CRP: variants seen among roughly 807,000 people sequenced by gnomAD.
CRP encodes the protein C-reactive protein, pentraxin-related.
CRP carries 6 observed loss-of-function variants against 3.0 expected under a neutral mutation model. The observed-to-expected ratio is 2.02, with a 90% CI of 1.11 to 3.99. The LOEUF is 3.99. CRP is among the 30% of genes most tolerant of loss of function. The pLI is 0.00. For missense variants in CRP, 297 were observed against 271.0 expected (o/e 1.10, Z -0.67); for synonymous variants, 130 against 111.0 (o/e 1.17, Z -1.08).
At position 159,712,466 on chromosome 1, in the gene CRP, AAG is replaced by A. The variant is rs1660694837; in HGVS notation, c.*1057_*1058del. 6.5e-6 allele frequency: 1 copy of A among 152,986 alleles called. No homozygotes were observed. The highest frequency in any genetic ancestry group is 2.4e-5 in the African/African-American group (1 of 41,594). The allele number at this position is 152,986 out of a possible 1,614,324, so 9.5% of individuals were successfully genotyped here. A position where few individuals can be genotyped will look rare whatever the true frequency, so the allele number is the denominator to read the frequency against. ...CACAGTCTCTCTCCATGTGGCAAAC[AAG>A]ATGGCTACTGGTGGTCCCAGGTTCA... is the stretch of plus-strand genomic sequence containing the variant. On this transcript the variant is annotated 3_prime_UTR_variant, in exon 2 of 2. Coordinates refer to ENST00000255030, the MANE Select transcript of CRP (RefSeq NM_000567.3).
Position 159,713,530 on chromosome 1 carries a change from G to T in CRP, c.670C>A (p.Pro224Thr). Residue 224 changes from proline (P) to threonine (T), a missense_variant, in exon 2 of 2, where the codon CCC becomes ACC. Coordinates refer to ENST00000255030, the MANE Select transcript of CRP (RefSeq NM_000567.3). ...GEVFTKPQLW[P>T] ...TCAGGACCCACAGCTGGGCCTCAGG[G>T]CCACAGCTGGGGTTTGGTGAACACT... 1 of 1,608,090 alleles carries T rather than the reference G, an allele frequency of 6.2e-7. No individual in the cohort carries two copies. The highest frequency in any genetic ancestry group is 8.5e-7 in the Non-Finnish European group (1 of 1,176,640).
In CRP at chr1:159,713,803, G is replaced by A. The variant is rs1660743723; in HGVS notation, c.397C>T (p.Pro133Ser). 1 of 1,613,996 alleles carries A rather than the reference G, an allele frequency of 6.2e-7. No individual in the cohort carries two copies. Among genetic ancestry groups the A allele is most frequent in the Non-Finnish European group, 8.5e-7 (1 of 1,180,010 alleles). The change falls in exon 2 of 2, where the codon CCC (proline) becomes TCC (serine). Residue 133 changes from proline (P) to serine (S), a missense_variant. Pro to Ser is a moderately conservative substitution (Grantham distance 74). Coordinates refer to ENST00000255030, the MANE Select transcript of CRP (RefSeq NM_000567.3). ...TTCTTCAGACTCTTCCTCACCCTGG[G>A]CTTCCCATCTACCCAGAACTCCACG... Reference protein sequence around the residue: ...GIVEFWVDGKPRVRKSLKKGY... With the variant: ...GIVEFWVDGKSRVRKSLKKGY...
chr1:159,713,385 T>C lies in CRP; in HGVS notation c.*140A>G. ...TGAGGAGGGTGGAGCAGGCCTGCAA[T>C]GCATATAGGGGAACAAAGGCCCAGA... On this transcript the variant is annotated 3_prime_UTR_variant, in exon 2 of 2. Coordinates refer to ENST00000255030, the MANE Select transcript of CRP (RefSeq NM_000567.3). 9.0e-7 allele frequency: 1 copy of C among 1,117,248 alleles called. No homozygotes were observed. The highest frequency in any genetic ancestry group is 1.2e-6 in the Non-Finnish European group (1 of 800,304). The allele number at this position is 1,117,248 out of a possible 1,614,324, so 69.2% of individuals were successfully genotyped here.
In CRP at chr1:159,713,694, G is replaced by C. The variant is rs776650720; in HGVS notation, c.506C>G (p.Ser169Cys). 7 of 1,614,062 alleles carry C rather than the reference G, an allele frequency of 4.3e-6. No homozygotes were observed. Among genetic ancestry groups the C allele is most frequent in the Non-Finnish European group, 5.1e-6 (6 of 1,180,052 alleles). The stretch of plus-strand genomic sequence containing the variant: ...CACATTTCCAATGTCTCCCACCAGG[G>C]ACTGGCTTCCTTCAAAGTTCCCACC... ...SFGGNFEGSQSLVGDIGNVNM... is the reference protein window; with the variant it reads ...SFGGNFEGSQCLVGDIGNVNM... Residue 169 changes from serine to cysteine, a missense_variant, in exon 2 of 2, where the codon TCC becomes TGC. Ser to Cys is a moderately radical substitution (Grantham distance 112). Transcript: ENST00000255030.
Position 159,713,396 on chromosome 1 carries a change from G to C in CRP, c.*129C>G, listed in dbSNP as rs1431488327. 8.6e-6 allele frequency: 11 copies of C among 1,276,838 alleles called. No individual in the cohort carries two copies. The highest frequency in any genetic ancestry group is 2.8e-4 in the Middle Eastern group (1 of 3,592). The allele number at this position is 1,276,838 out of a possible 1,614,324, so 79.1% of individuals were successfully genotyped here. ...GAGCAGGCCTGCAATGCATATAGGG[G>C]AACAAAGGCCCAGAGACAGAGACGT... On this transcript the variant is annotated 3_prime_UTR_variant, in exon 2 of 2. Coordinates refer to ENST00000255030, the MANE Select transcript of CRP (RefSeq NM_000567.3).
rs1413161549 is a variant in CRP, at chr1:159,713,612, C to T, written c.588G>A (p.Gly196=). The change falls in exon 2 of 2, where the codon GGG becomes GGA. Residue 196 remains glycine, a synonymous_variant. Transcript: ENST00000255030. The stretch of plus-strand genomic sequence containing the variant: ...AGTTCAGGACATTAGGACTGAAGGG[C>T]CCGCCAAGATAGATGGTGTTAATCT... ...PDEINTIYLG[G]PFSPNVLNWR... 1.2e-6 allele frequency: 2 copies of T among 1,614,154 alleles called. No homozygotes were observed. Among genetic ancestry groups the T allele is most frequent in the Middle Eastern group, 1.7e-4 (1 of 6,052 alleles).
chr1:159,713,680 T>C lies in CRP; in HGVS notation c.520A>G (p.Ile174Val). The C allele has an allele frequency of 6.2e-7, 1 of 1,614,190 alleles. No individual in the cohort carries two copies. The highest frequency in any genetic ancestry group is 8.5e-7 in the Non-Finnish European group (1 of 1,180,036). ...AAGTCCCACATGTTCACATTTCCAATGTCTCCCACCAGGGACTGGCTTCCT... is the reference window on the plus strand; with the variant it reads ...AAGTCCCACATGTTCACATTTCCAACGTCTCCCACCAGGGACTGGCTTCCT... Reference protein sequence around the residue: ...FEGSQSLVGDIGNVNMWDFVL... With the variant: ...FEGSQSLVGDVGNVNMWDFVL... The change falls in exon 2 of 2, where the codon ATT becomes GTT. Residue 174 changes from isoleucine to valine, a missense_variant. By Grantham distance (29) the Ile-to-Val change is conservative. Transcript: ENST00000255030.
intron 1 of CRP, 48 bp downstream of exon 1, chr1:159,714,377 C>A (rs370138755): frequency 6.4e-7 from 1 of 1,555,582 alleles, no homozygotes; most frequent in Non-Finnish European, 8.9e-7. Context: ...TAGACCCCAC[C>A]CCCATACCTC....
chr1:159,713,438 A>T lies in CRP; in HGVS notation c.*87T>A. On this transcript the variant is annotated 3_prime_UTR_variant, in exon 2 of 2. Transcript: ENST00000255030. ...CAGAGACGTGGGAACCATGCAGTGT[A>T]AAAAAGCGGGAGGTACCAGAGACAG... 6.6e-7 allele frequency: 1 copy of T among 1,506,932 alleles called. No homozygotes were observed. The highest frequency in any genetic ancestry group is 1.3e-5 in the South Asian group (1 of 74,396). The allele number at this position is 1,506,932 out of a possible 1,614,324, so 93.3% of individuals were successfully genotyped here.
chr1:159,713,634 A>T lies in CRP; in HGVS notation c.566T>A (p.Ile189Asn), dbSNP rs2101676953. The change falls in exon 2 of 2, where the codon ATT (isoleucine) becomes AAT (asparagine). Residue 189 changes from isoleucine to asparagine, a missense_variant. By Grantham distance (149) the Ile-to-Asn change is moderately radical. Transcript: ENST00000255030. Reference sequence around the variant, plus strand: ...GGGCCCGCCAAGATAGATGGTGTTAATCTCATCTGGTGACAGCACAAAGTC... The same window carrying T: ...GGGCCCGCCAAGATAGATGGTGTTATTCTCATCTGGTGACAGCACAAAGTC... The part of the protein sequence containing the change: ...MWDFVLSPDE[I>N]NTIYLGGPFS... The T allele has an allele frequency of 2.5e-6, 4 of 1,614,224 alleles. No individual in the cohort carries two copies. The East Asian group carries it at 8.9e-5, about 36-fold the overall frequency.
rs775254047 is a variant in CRP at position 159,714,443 on chromosome 1, G to A, written c.43C>T (p.His15Tyr). The change falls in exon 1 of 2, where the codon CAT (histidine) becomes TAT (tyrosine). Residue 15 changes from histidine (H) to tyrosine (Y), a missense_variant. Transcript: ENST00000255030. ...LCFLVLTSLS[H>Y]AFGQTDMSRK... The stretch of plus-strand genomic sequence containing the variant: ...CCCTTACCTGTCTGGCCAAAAGCAT[G>A]AGAGAGGCTGGTCAAGACCAAGAAA... 3.7e-6 allele frequency: 6 copies of A among 1,613,046 alleles called. No homozygotes were observed. Among genetic ancestry groups the A allele is most frequent in the Non-Finnish European group, 5.1e-6 (6 of 1,179,904 alleles).
Position 159,714,413 on chromosome 1 carries a change from G to A in CRP, c.61+12C>T, listed in dbSNP as rs1489247020. ...AGATCAAATCTCTCCCATAGCCTGG[G>A]GTGGCCCTTACCTGTCTGGCCAAAA... On this transcript the variant is annotated intron_variant, in intron 1 of 1. Transcript: ENST00000255030. 29 of 1,612,480 alleles carry A rather than the reference G, an allele frequency of 1.8e-5. No individual in the cohort carries two copies. The highest frequency in any genetic ancestry group is 2.5e-5 in the Non-Finnish European group (29 of 1,179,268).
Position 159,713,614 on chromosome 1 carries a change from C to T in CRP, c.586G>A (p.Gly196Arg), listed in dbSNP as rs537243926. 214 of 1,613,990 alleles carry T rather than the reference C, an allele frequency of 1.3e-4. 4 individuals carry two copies. In the South Asian group the frequency reaches 2.1e-3, roughly 16 times the overall value. Residue 196 changes from glycine to arginine, a missense_variant, in exon 2 of 2, where the codon GGG becomes AGG. Gly to Arg is a moderately radical substitution (Grantham distance 125). Transcript: ENST00000255030. ...PDEINTIYLG[G>R]PFSPNVLNWR... ...TTCAGGACATTAGGACTGAAGGGCC[C>T]GCCAAGATAGATGGTGTTAATCTCA...
At position 159,713,720 on chromosome 1, in the gene CRP, G is replaced by C. The variant is rs374947007; in HGVS notation, c.480C>G (p.Phe160Leu). The change falls in exon 2 of 2, where the codon TTC becomes TTG. Residue 160 changes from phenylalanine to leucine, a missense_variant. By Grantham distance (22) the Phe-to-Leu change is conservative. Transcript: ENST00000255030. ...ACTGGCTTCCTTCAAAGTTCCCACC[G>C]AAGGAATCCTGCTCCTGCCCCAAGA... ...SIILGQEQDSFGGNFEGSQSL... is the reference protein window; with the variant it reads ...SIILGQEQDSLGGNFEGSQSL... 3.1e-6 allele frequency: 5 copies of C among 1,614,002 alleles called. No homozygotes were observed. The highest frequency in any genetic ancestry group is 4.2e-6 in the Non-Finnish European group (5 of 1,180,028).
chr1:159,713,798 C>T lies in CRP; in HGVS notation c.402G>A (p.Arg134=), dbSNP rs751346535. The T allele has an allele frequency of 6.8e-6, 11 of 1,614,114 alleles. No homozygotes were observed. The South Asian group carries it at 1.1e-4, about 16-fold the overall frequency. The change falls in exon 2 of 2, where the codon AGG becomes AGA. Residue 134 remains arginine, a synonymous_variant. Transcript: ENST00000255030. The stretch of plus-strand genomic sequence containing the variant: ...ATCCCTTCTTCAGACTCTTCCTCAC[C>T]CTGGGCTTCCCATCTACCCAGAACT... ...IVEFWVDGKP[R]VRKSLKKGYT...
rs1402381252 is a variant in CRP, at chr1:159,713,764, CCA to C, written c.434_435del (p.Val145GlyfsTer20). On this transcript the variant is annotated frameshift_variant, in exon 2 of 2. Transcript: ENST00000255030. LOFTEE classifies it low-confidence loss of function (END_TRUNC). Reference protein sequence around the residue: ...VRKSLKKGYTVGAEASIILGQ... With the variant: ...VRKSLKKGYTXGAEASIILGQ... ...CCCAAGATGATGCTTGCTTCTGCCC[CCA>C]CAGTGTATCCCTTCTTCAGACTCTT... 5.6e-6 allele frequency: 9 copies of C among 1,614,038 alleles called. No homozygotes were observed. Among genetic ancestry groups the C allele is most frequent in the African/African-American group, 1.3e-5 (1 of 74,898 alleles).
At position 159,713,218 on chromosome 1, in the gene CRP, G is replaced by T. The variant is rs757522260; in HGVS notation, c.*307C>A. The T allele has an allele frequency of 5.1e-5, 14 of 276,804 alleles. No homozygotes were observed. The highest frequency in any genetic ancestry group is 3.0e-4 in the South Asian group (3 of 10,132). 17.1% of individuals were successfully genotyped at this position (276,804 alleles called of 1,614,324 possible). A position where few individuals can be genotyped will look rare whatever the true frequency, so the allele number is the denominator to read the frequency against. Reference sequence around the variant, plus strand: ...TGGGTGTTAGTTTTCTCATCTATGTGAGGTAAGAAATTATCTCCAAGATCT... The same window carrying T: ...TGGGTGTTAGTTTTCTCATCTATGTTAGGTAAGAAATTATCTCCAAGATCT... On this transcript the variant is annotated 3_prime_UTR_variant, in exon 2 of 2. Transcript: ENST00000255030.
In CRP at chr1:159,714,260, C is replaced by CAA. The variant is rs1054460760; in HGVS notation, c.62-123_62-122insTT. The CAA allele has an allele frequency of 7.5e-5, 6 of 80,410 alleles. No individual in the cohort carries two copies. In the African/African-American group the frequency reaches 7.5e-4, roughly 10 times the overall value. The allele number at this position is 80,410 out of a possible 1,614,324, so 5.0% of individuals were successfully genotyped here. Reference sequence around the variant, plus strand: ...TGACCCCTTCTCCAGTTACACACCACACACACACACACACACACACACACA... The same window carrying CAA: ...TGACCCCTTCTCCAGTTACACACCACAAACACACACACACACACACACACACA... On this transcript the variant is annotated intron_variant, in intron 1 of 1. Transcript: ENST00000255030.
At position 159,714,026 on chromosome 1, in the gene CRP, G is replaced by A. The variant is rs143101792; in HGVS notation, c.174C>T (p.Tyr58=). Residue 58 remains tyrosine, a synonymous_variant, in exon 2 of 2, where the codon TAC becomes TAT. Transcript: ENST00000255030. ...ACCCACGGGTCGAGGACAGTTCCGT[G>A]TAGAAGTGGAGGCACACAGTGAAGG... ...LKAFTVCLHF[Y]TELSSTRGYS... 2 of 1,613,554 alleles carry A rather than the reference G, an allele frequency of 1.2e-6. No individual in the cohort carries two copies.
Sources: gnomAD v4.1 joint callset for allele counts on GRCh38, gnomAD v4.1.1 for gene constraint, MANE v1.5 for transcripts, NCBI Gene and HGNC (gene_info 2026-07-23, HGNC 2026-07-21) for gene names.